EHMT1: variants seen among roughly 807,000 people sequenced by gnomAD.
EHMT1 encodes histone-lysine N-methyltransferase EHMT1.
EHMT1 carries 15 observed loss-of-function variants against 147.2 expected under a neutral mutation model. The observed-to-expected ratio is 0.10, with a 90% CI of 0.07 to 0.16. EHMT1 has a LOEUF of 0.16. EHMT1 is among the 10% of genes least tolerant of loss of function. The pLI is 1.00. For missense variants in EHMT1, 1,587 were observed against 1,772.4 expected (o/e 0.90, Z 1.88); for synonymous variants, 795 against 709.6 (o/e 1.12, Z -1.91).
At chr9:137,635,126 A>G (rs1173121021) in intron 1 of EHMT1, among the ~76,000 whole-genome samples, 1 of 151,646 alleles carries the variant, frequency 6.6e-6, no homozygotes, top group African/African-American at 2.4e-5. Context: ...TCAGTTTAGG[A>G]TATCGCCATC....
chr9:137,801,314 CTTTGTT>C (rs1207182529), intron 18 of EHMT1, among the ~76,000 whole-genome samples: 1 of 152,174 alleles, frequency 6.6e-6, no homozygotes, highest in Non-Finnish European at 1.5e-5. Context: ...CTGGCTCTCC[CTTTGTT>C]TTTGTTTTTG....
intron 1 of EHMT1, among the ~76,000 whole-genome samples, chr9:137,622,452 C>G (rs1842994862): frequency 6.6e-6 from 1 of 152,132 alleles, no homozygotes; most frequent in Non-Finnish European, 1.5e-5. Flanking sequence ...GAAGAAGCAG[C>G]CCACTTGCAT....
At chr9:137,722,505 T>G (rs1293728853) in intron 3 of EHMT1, among the ~76,000 whole-genome samples, 1 of 151,980 alleles carries the variant, frequency 6.6e-6, no homozygotes, top group Non-Finnish European at 1.5e-5. Flanking sequence ...CCTGGGGGAG[T>G]CTGCAGGAGA....
chr9:137,637,965 G>A (rs1844201778), intron 1 of EHMT1, among the ~76,000 whole-genome samples: 1 of 151,910 alleles, frequency 6.6e-6, no homozygotes, highest in Admixed American at 6.6e-5. Context: ...GCAGTTGCTC[G>A]TATGTTCCCT....
intron 1 of EHMT1, among the ~76,000 whole-genome samples, chr9:137,695,720 C>T (rs1286169563): frequency 6.6e-6 from 1 of 152,196 alleles, no homozygotes; most frequent in Admixed American, 6.5e-5. Flanking sequence ...CTAGGCAGCA[C>T]AGAGCAAGCT....
rs1955014180 is a variant in EHMT1, at chr9:137,817,496, G to A, written c.3432G>A (p.Gln1144=). The A allele has an allele frequency of 6.2e-7, 1 of 1,614,226 alleles. No homozygotes were observed. The highest frequency in any genetic ancestry group is 8.5e-7 in the Non-Finnish European group (1 of 1,180,032). Residue 1144 remains glutamine, a synonymous_variant, in exon 24 of 27, where the codon CAG becomes CAA. Coordinates refer to ENST00000460843, the MANE Select transcript of EHMT1 (RefSeq NM_024757.5). ...TGGGCTGGGGCGTGCGGTCCCTGCA[G>A]GACATCCCACCAGGCACCTTTGTCT... ...RDMGWGVRSL[Q]DIPPGTFVCE... is the part of the protein sequence containing the mutation.
chr9:137,799,624 C>G (rs574089494), intron 17 of EHMT1, among the ~76,000 whole-genome samples: 1 of 152,300 alleles, frequency 6.6e-6, no homozygotes, highest in African/African-American at 2.4e-5. Context: ...CTGCATGGAC[C>G]CACAGCTCTG....
chr9:137,792,172 C>T (rs1311817903), intron 16 of EHMT1: 13 of 458,088 alleles, frequency 2.8e-5, no homozygotes, highest in Admixed American at 5.2e-5. Flanking sequence ...TTACTATATA[C>T]GGCCACAGTA....
At chr9:137,784,370 T>A (rs928857283) in intron 15 of EHMT1, 11 of 1,268,204 alleles carry the variant, frequency 8.7e-6, no homozygotes, top group Non-Finnish European at 1.1e-5. Context: ...CCAGCCCCGG[T>A]AAATAAATTG....
At chr9:137,779,869 GC>G in intron 14 of EHMT1, 152 bp downstream of exon 14, 1 of 798,636 alleles carries the variant, frequency 1.3e-6, no homozygotes, top group Non-Finnish European at 2.0e-6. Context: ...AGAATAGGTT[GC>G]CCACTGGTGT....
At chr9:137,721,746 T>C (rs1946079642) in intron 3 of EHMT1, among the ~76,000 whole-genome samples, 1 of 152,158 alleles carries the variant, frequency 6.6e-6, no homozygotes, top group Non-Finnish European at 1.5e-5. Context: ...GCTCGTTTTA[T>C]GATTGCATTG....
rs79209696 is a variant in EHMT1, at chr9:137,780,918, A to G, written c.2275+1201A>G. ...GCTGGGATGTGTGGTGATGACGCTG[A>G]GATGTGTGGTGATGACGGCATCACT... On this transcript the variant is annotated intron_variant, in intron 14 of 26. Coordinates refer to ENST00000460843, the MANE Select transcript of EHMT1 (RefSeq NM_024757.5). Among the ~76,000 whole-genome samples the G allele has an allele frequency of 4.0e-3, 314 of 79,272 alleles. 1 individual carries two copies. The highest frequency in any genetic ancestry group is 0.014 in the Middle Eastern group (1 of 70). 52.0% of individuals were successfully genotyped at this position (79,272 alleles called of 152,430 possible).
At chr9:137,752,574 C>T (rs1949054290) in intron 7 of EHMT1, among the ~76,000 whole-genome samples, 166 bp downstream of exon 7, 1 of 152,216 alleles carries the variant, frequency 6.6e-6, no homozygotes, top group Non-Finnish European at 1.5e-5. Context: ...CCTGGCAAAG[C>T]CTCATGAGAA....
intron 1 of EHMT1, among the ~76,000 whole-genome samples, chr9:137,626,651 G>C (rs922209104): frequency 6.6e-6 from 1 of 151,038 alleles, no homozygotes; most frequent in East Asian, 1.9e-4. Context: ...GTGTCTCATT[G>C]TCTTTGGCCA....
chr9:137,780,331 A>G (rs1176112280), intron 14 of EHMT1, among the ~76,000 whole-genome samples: 8 of 122,700 alleles, frequency 6.5e-5, no homozygotes, highest in African/African-American at 2.8e-4. Flanking sequence ...CATCACTGAG[A>G]TGTGTGGTGA....
chr9:137,822,616 C>G (rs532986698), intron 25 of EHMT1, among the ~76,000 whole-genome samples: 2 of 151,740 alleles, frequency 1.3e-5, no homozygotes, highest in South Asian at 2.1e-4. Context: ...CAGTTTGGGC[C>G]GGGCGCAGTG....
chr9:137,803,339 C>A, intron 18 of EHMT1: 1 of 980,252 alleles, frequency 1.0e-6, no homozygotes, highest in Non-Finnish European at 1.2e-6. Flanking sequence ...CCCTCATGCC[C>A]TGATGATCTT....
chr9:137,831,651 T>C (rs1454361171), intron 25 of EHMT1, among the ~76,000 whole-genome samples: 2 of 152,254 alleles, frequency 1.3e-5, no homozygotes, highest in African/African-American at 2.4e-5. Flanking sequence ...AGGACAGCCT[T>C]AGGAGCTGCC....
At chr9:137,771,745 C>A (rs1054163359) in intron 10 of EHMT1, among the ~76,000 whole-genome samples, 1 of 152,172 alleles carries the variant, frequency 6.6e-6, no homozygotes, top group Non-Finnish European at 1.5e-5. Flanking sequence ...TTTGTCTGTT[C>A]ATGCTTGCTC....
Sources: gnomAD v4.1 joint callset for allele counts (sites outside exome capture counted in the v4.1 genomes callset) on GRCh38, gnomAD v4.1.1 for gene constraint, MANE v1.5 for transcripts, NCBI Gene and HGNC (gene_info 2026-07-23, HGNC 2026-07-21) for gene names.